DLST: variants seen among roughly 807,000 people sequenced by gnomAD.
DLST encodes dihydrolipoamide S-succinyltransferase.
Under a neutral mutation model 53.1 loss-of-function variants are expected in DLST, and 17 were observed. The observed-to-expected ratio is 0.32, with a 90% CI of 0.22 to 0.48. The LOEUF (loss-of-function observed/expected upper bound fraction) is 0.48. DLST is among the 20% of genes least tolerant of loss of function. The pLI is 0.99. For synonymous variants in DLST, 206 were observed against 204.8 expected, an observed-to-expected ratio of 1.01 and a Z score of -0.05; for missense variants, 512 against 583.9, an observed-to-expected ratio of 0.88 and a Z score of 1.27.
At chr14:74,891,374 A>T (rs1883901914) in intron 7 of DLST, 2 of 1,300,954 alleles carry the variant, frequency 1.5e-6, no homozygotes, top group Non-Finnish European at 2.0e-6. Flanking sequence ...AATAAACCTT[A>T]TACTCTGTTC....
chr14:74,892,512 GT>G (rs201992318), intron 7 of DLST, among the ~76,000 whole-genome samples: 48,562 of 148,300 alleles, frequency 0.33, 7,875 homozygotes, highest in Middle Eastern at 0.36. Context: ...TTGCCTAGGT[GT>G]TTTTTTTTTT....
In DLST at chr14:74,892,998, A is replaced by C. The variant is rs535010355; in HGVS notation, c.595+12A>C. 3.1e-6 allele frequency: 5 copies of C among 1,607,114 alleles called. No homozygotes were observed. The highest frequency in any genetic ancestry group is 2.7e-5 in the African/African-American group (2 of 74,406). On this transcript the variant is annotated intron_variant, in intron 8 of 14. Transcript: ENST00000334220. ...TTCTGGCAAACCTGGTAGGCTTCCA[A>C]CTCCCACATGTCATGTGGGAGAACA...
chr14:74,885,686 G>A (rs1883679720), intron 3 of DLST, 52 bp downstream of exon 3: 1 of 1,523,912 alleles, frequency 6.6e-7, no homozygotes, highest in Non-Finnish European at 8.8e-7. Flanking sequence ...TTTATTTAAA[G>A]ACATAAAGTT....
chr14:74,901,165 A>G lies in DLST; in HGVS notation c.1159A>G (p.Asn387Asp). 2 of 1,614,184 alleles carry G rather than the reference A, an allele frequency of 1.2e-6. No individual in the cohort carries two copies. Among genetic ancestry groups the G allele is most frequent in the Non-Finnish European group, 1.7e-6 (2 of 1,180,034 alleles). The change falls in exon 14 of 15, where the codon AAC becomes GAC. Residue 387 changes from asparagine to aspartate, a missense_variant. Asn to Asp is a conservative substitution (Grantham distance 23). This residue lies in a region of DLST where 186 missense variants were observed against 260.4 expected (regional missense o/e 0.71). Coordinates refer to ENST00000334220, the MANE Select transcript of DLST (RefSeq NM_001933.5). ...CTCGCTCTTTGGAACACCCATTATC[A>G]ACCCCCCTCAGTCTGCCATCCTGGG... is the stretch of plus-strand genomic sequence containing the variant. ...FGSLFGTPIINPPQSAILGMH... is the reference protein window; with the variant it reads ...FGSLFGTPIIDPPQSAILGMH...
chr14:74,896,812 A>C (rs1281831145), intron 10 of DLST, among the ~76,000 whole-genome samples: 1 of 152,246 alleles, frequency 6.6e-6, no homozygotes, highest in Non-Finnish European at 1.5e-5. Context: ...TGGCCCTGAA[A>C]GATGCAGTTG....
chr14:74,894,994 G>A (rs372081367), intron 10 of DLST, among the ~76,000 whole-genome samples: 3 of 152,166 alleles, frequency 2.0e-5, no homozygotes, highest in African/African-American at 4.8e-5. Context: ...TTGGGAGGCC[G>A]AGGCAGGCGG....
At chr14:74,882,146 G>C in intron 1 of DLST, 130 bp downstream of exon 1, 1 of 797,112 alleles carries the variant, frequency 1.3e-6, no homozygotes, top group South Asian at 4.7e-5. Flanking sequence ...CGGAGGCCGC[G>C]CGGGCTGGGC....
Position 74,894,396 on chromosome 14 carries a change from G to A in DLST, c.757G>A (p.Glu253Lys). Reference sequence around the variant, plus strand: ...ATGTGCAATGCTGACAACTTTTAATGAGATTGACATGAGGTAGTGTCTCTA... The same window carrying A: ...ATGTGCAATGCTGACAACTTTTAATAAGATTGACATGAGGTAGTGTCTCTA... ...NTCAMLTTFN[E>K]IDMSNIQEMR... The change falls in exon 10 of 15, where the codon GAG (glutamate) becomes AAG (lysine). Residue 253 changes from glutamate (E) to lysine (K), a missense_variant. Transcript: ENST00000334220. The A allele has an allele frequency of 6.2e-7, 1 of 1,614,138 alleles. No homozygotes were observed. Among genetic ancestry groups the A allele is most frequent in the Non-Finnish European group, 8.5e-7 (1 of 1,180,008 alleles).
At chr14:74,883,625 C>T (rs1259489951) in intron 2 of DLST, among the ~76,000 whole-genome samples, 2 of 152,198 alleles carry the variant, frequency 1.3e-5, no homozygotes, top group Non-Finnish European at 2.9e-5. Context: ...TTCTTTGTGC[C>T]AAGCATTTAT....
chr14:74,885,517 T>C (rs1883671877), intron 2 of DLST, 69 bp from the exon 3 acceptor site: 7 of 1,534,852 alleles, frequency 4.6e-6, no homozygotes, highest in Non-Finnish European at 6.3e-6. Flanking sequence ...GAGCAGACCT[T>C]TTCCATTCCC....
chr14:74,899,107 A>C (rs908864578), intron 11 of DLST, among the ~76,000 whole-genome samples: 2 of 152,186 alleles, frequency 1.3e-5, no homozygotes, highest in African/African-American at 4.8e-5. Context: ...CTAAAGGTCT[A>C]GAAGTAGAAG....
chr14:74,891,060 C>T lies in DLST; in HGVS notation c.335C>T (p.Ser112Phe). Residue 112 changes from serine to phenylalanine, a missense_variant, in exon 7 of 15, where the codon TCT becomes TTT. Physicochemically the swap from Ser to Phe is radical, Grantham distance 155 (BLOSUM62 -2). Around this residue, in one of 4 missense-constraint regions of DLST, gnomAD observed 35 missense variants for 70.5 expected, o/e 0.50. Coordinates refer to ENST00000334220, the MANE Select transcript of DLST (RefSeq NM_001933.5). Reference protein sequence around the residue: ...VVCEIETDKTSVQVPSPANGV... With the variant: ...VVCEIETDKTFVQVPSPANGV... ...CCATCTGTCTTCCTCTTCCAGACAT[C>T]TGTGCAGGTTCCATCACCAGCAAAT... 1.2e-6 allele frequency: 2 copies of T among 1,611,124 alleles called. No homozygotes were observed. The highest frequency in any genetic ancestry group is 1.1e-5 in the South Asian group (1 of 90,912).
rs754426233 is a variant in DLST, at chr14:74,882,579, C to G, written c.64-12C>G. The stretch of plus-strand genomic sequence containing the variant: ...TCTTGGGTGACGTCGATAATGTCTT[C>G]TTTCTCAACAGGGGAACTGCCCTCT... On this transcript the variant is annotated splice_polypyrimidine_tract_variant and intron_variant, in intron 1 of 14. Transcript: ENST00000334220. The G allele has an allele frequency of 5.0e-6, 8 of 1,613,578 alleles. No homozygotes were observed. Among genetic ancestry groups the G allele is most frequent in the African/African-American group, 2.7e-5 (2 of 74,862 alleles).
chr14:74,892,465 T>C (rs1196704919), intron 7 of DLST, among the ~76,000 whole-genome samples: 1 of 152,172 alleles, frequency 6.6e-6, no homozygotes, highest in African/African-American at 2.4e-5. Flanking sequence ...TATCAGTAAT[T>C]AGAAATATGT....
intron 1 of DLST, 61 bp from the exon 2 acceptor site, chr14:74,882,530 A>G: frequency 6.3e-7 from 1 of 1,577,546 alleles, no homozygotes; most frequent in Non-Finnish European, 8.7e-7. Flanking sequence ...TGTACTTAAA[A>G]GAAAAAGCTG....
chr14:74,889,871 C>T (rs1164322250), intron 5 of DLST, 26 bp from the exon 6 acceptor site: 15 of 1,613,386 alleles, frequency 9.3e-6, no homozygotes, highest in Admixed American at 3.3e-5. Context: ...AACAGGTAGC[C>T]TTGTAGCCTT....
intron 2 of DLST, among the ~76,000 whole-genome samples, chr14:74,884,019 G>GT (rs1883621338): frequency 6.6e-6 from 1 of 152,212 alleles, no homozygotes; most frequent in Non-Finnish European, 1.5e-5. Context: ...TGATGAGAGG[G>GT]TGGGATGATG....
At chr14:74,899,444 A>G (rs958898662) in intron 11 of DLST, among the ~76,000 whole-genome samples, 1 of 152,052 alleles carries the variant, frequency 6.6e-6, no homozygotes, top group Admixed American at 6.5e-5. Flanking sequence ...TTGAGGTAGC[A>G]TATTTCAAAG....
At chr14:74,890,124 CTTTTTTTTTTTTTT>C (rs34237381) in intron 6 of DLST, among the ~76,000 whole-genome samples, 172 bp downstream of exon 6, 1 of 85,104 alleles carries the variant, frequency 1.2e-5, no homozygotes, top group Non-Finnish European at 2.1e-5. Flanking sequence ...TTACATTTAA[CTTTTTTTTTTTTTT>C]TTTTTTTTTG....
Sources: gnomAD v4.1 joint callset for allele counts (sites outside exome capture counted in the v4.1 genomes callset) on GRCh38, gnomAD v4.1.1 for gene constraint, gnomAD v4.1.1 regional missense constraint, MANE v1.5 for transcripts, NCBI Gene and HGNC (gene_info 2026-07-23, HGNC 2026-07-21) for gene names.